FGF9: variants seen among roughly 807,000 people sequenced by gnomAD.
The protein encoded by FGF9 is fibroblast growth factor 9, also known as fibroblast growth factor 9 (glia-activating factor).
A neutral mutation model predicts 19.9 loss-of-function variants in FGF9; 3 were observed. That is an observed-to-expected ratio of 0.15 (90% confidence interval 0.07 to 0.39). The LOEUF (loss-of-function observed/expected upper bound fraction) is 0.39, where lower values mean the gene tolerates loss of function less well. Among genes scored for constraint, FGF9 ranks in the 10% least tolerant of loss-of-function variants. FGF9 has a pLI of 1.00. For missense variants in FGF9, 175 were observed against 256.8 expected (o/e 0.68, Z 2.18); for synonymous variants, 107 against 106.9 (o/e 1.00, Z -0.01).
chr13:21,679,782 C>CAA lies in FGF9; in HGVS notation c.278-1240_278-1239dup, dbSNP rs760146847. Among the ~76,000 whole-genome samples, 507 of 52,414 alleles carry CAA rather than the reference C, an allele frequency of 9.7e-3. 2 individuals carry two copies. Among genetic ancestry groups the CAA allele is most frequent in the Non-Finnish European group, 0.018 (421 of 23,600 alleles). 34.4% of individuals were successfully genotyped at this position (52,414 alleles called of 152,430 possible). ...TGAAACCCCGTCTCTACTAAAAATA[C>CAA]AAAAAAAAAAAAAAAAAAAAATTTA... On this transcript the variant is annotated intron_variant, in intron 1 of 2. Transcript: ENST00000382353.
At chr13:21,701,153 A>G in intron 2 of FGF9, 37 bp from the exon 3 acceptor site, 1 of 1,587,472 alleles carries the variant, frequency 6.3e-7, no homozygotes, top group Non-Finnish European at 8.6e-7. Flanking sequence ...TGCATTAGCT[A>G]TTTTTCCTAA....
chr13:21,691,346 G>T lies in FGF9; in HGVS notation c.382-9844G>T, dbSNP rs1232909171. On this transcript the variant is annotated intron_variant, in intron 2 of 2. Coordinates refer to ENST00000382353, the MANE Select transcript of FGF9 (RefSeq NM_002010.3). The surrounding 1 kb of genome is among the most constrained non-coding windows in gnomAD (Gnocchi z 4.2). ...GGAGGGAGCTTAATTCTAGGAGTAG[G>T]AGAGAATGTCAGGATTATTCACAGA... Among the ~76,000 whole-genome samples, 1 of 152,230 alleles carries T rather than the reference G, an allele frequency of 6.6e-6. No individual in the cohort carries two copies. The highest frequency in any genetic ancestry group is 6.5e-5 in the Admixed American group (1 of 15,286).
rs1214988654 is a variant in FGF9 at position 21,690,390 on chromosome 13, TAC to T, written c.381+9252_381+9253del. On this transcript the variant is annotated intron_variant, in intron 2 of 2. Coordinates refer to ENST00000382353, the MANE Select transcript of FGF9 (RefSeq NM_002010.3). The stretch of plus-strand genomic sequence containing the variant: ...ATTCACAGACATACCCACGTGCTTA[TAC>T]ACACACTCACTTGCTCACACCCACT... 5.9e-5 allele frequency among the ~76,000 whole-genome samples: 9 copies of T among 152,146 alleles called. No individual in the cohort carries two copies. In the East Asian group the frequency reaches 1.2e-3, roughly 20 times the overall value.
chr13:21,680,083 C>T (rs1043871019), intron 1 of FGF9, among the ~76,000 whole-genome samples: 4 of 151,978 alleles, frequency 2.6e-5, no homozygotes, highest in African/African-American at 7.3e-5. Context: ...GGATTTATGC[C>T]CAGCTTAGGT....
chr13:21,673,172 G>T (rs1419852901), intron 1 of FGF9, among the ~76,000 whole-genome samples: 1 of 151,862 alleles, frequency 6.6e-6, no homozygotes, highest in Non-Finnish European at 1.5e-5. Flanking sequence ...AAAAATAAGC[G>T]CCAGTTTGGG....
intron 1 of FGF9, among the ~76,000 whole-genome samples, chr13:21,673,124 T>G (rs1313834160): frequency 6.6e-6 from 1 of 151,826 alleles, no homozygotes; most frequent in Non-Finnish European, 1.5e-5. Flanking sequence ...CAGTCCCAAT[T>G]GGGTGGACTC....
intron 2 of FGF9, among the ~76,000 whole-genome samples, chr13:21,682,168 G>A (rs1452877429): frequency 6.6e-6 from 1 of 151,740 alleles, no homozygotes; most frequent in African/African-American, 2.4e-5. Flanking sequence ...ATCACCACAC[G>A]TAGTTAACGA....
At chr13:21,677,718 G>A (rs1378723481) in intron 1 of FGF9, among the ~76,000 whole-genome samples, 7 of 152,164 alleles carry the variant, frequency 4.6e-5, no homozygotes, top group Admixed American at 4.6e-4. Flanking sequence ...TGGTCTGCTT[G>A]TCCTTGCATC....
intron 2 of FGF9, among the ~76,000 whole-genome samples, chr13:21,684,868 C>G (rs1872124274): frequency 6.6e-6 from 1 of 152,142 alleles, no homozygotes; most frequent in Non-Finnish European, 1.5e-5. Context: ...ACCTTTTTGT[C>G]TCTTTTGTAA....
intron 2 of FGF9, among the ~76,000 whole-genome samples, chr13:21,686,764 C>T (rs1872168340): frequency 6.6e-6 from 1 of 152,224 alleles, no homozygotes; most frequent in African/African-American, 2.4e-5. Flanking sequence ...TTCACTCCGT[C>T]ATGAACACGC....
Position 21,700,015 on chromosome 13 carries a change from GGTGTGT to G in FGF9, c.382-1146_382-1141del, listed in dbSNP as rs3076108. Among the ~76,000 whole-genome samples the G allele has an allele frequency of 7.4e-3, 1,081 of 146,094 alleles. 4 individuals carry two copies. Among genetic ancestry groups the G allele is most frequent in the Non-Finnish European group, 0.012 (770 of 66,328 alleles). On this transcript the variant is annotated intron_variant, in intron 2 of 2. Transcript: ENST00000382353. ...GGGCGTGTTCACAGCTTTGGGATGT[GGTGTGT>G]GTGTGTGTGTGTGTGTGTGTGTGTG...
chr13:21,686,600 A>G (rs1214823405), intron 2 of FGF9, among the ~76,000 whole-genome samples: 1 of 152,164 alleles, frequency 6.6e-6, no homozygotes, highest in African/African-American at 2.4e-5. Flanking sequence ...CACTTACATT[A>G]TTTTGCCCAG....
intron 1 of FGF9, among the ~76,000 whole-genome samples, chr13:21,675,303 G>A (rs952933104): frequency 3.3e-5 from 5 of 152,088 alleles, no homozygotes; most frequent in Non-Finnish European, 5.9e-5. Flanking sequence ...GCGGGCCCCC[G>A]GGGTGACAGC....
chr13:21,695,113 T>TGTGTGTGA (rs1183952730), intron 2 of FGF9, among the ~76,000 whole-genome samples: 1 of 150,966 alleles, frequency 6.6e-6, no homozygotes, highest in African/African-American at 2.5e-5. Flanking sequence ...TGTGTGTGTG[T>TGTGTGTGA]GTGAGAGAGA....
At chr13:21,676,581 G>A (rs1017996382) in intron 1 of FGF9, among the ~76,000 whole-genome samples, 4 of 152,172 alleles carry the variant, frequency 2.6e-5, no homozygotes, top group African/African-American at 7.2e-5. Flanking sequence ...AACTTACCCC[G>A]GTGCAGGATC....
At chr13:21,681,424 C>T (rs1472595860) in intron 2 of FGF9, among the ~76,000 whole-genome samples, 1 of 152,144 alleles carries the variant, frequency 6.6e-6, no homozygotes, top group Non-Finnish European at 1.5e-5. Context: ...AATCCCATCT[C>T]TTTGTATTGA....
In FGF9 at chr13:21,703,362, A is replaced by G. The variant is rs1872589413; in HGVS notation, c.*1927A>G. ...GCCTTTCTGTGGTCCAAGTTGGAGT[A>G]CATGGCAATGCCCTCCTGCTGATGT... On this transcript the variant is annotated 3_prime_UTR_variant, in exon 3 of 3. Transcript: ENST00000382353. 6.6e-6 allele frequency: 1 copy of G among 152,226 alleles called. No individual in the cohort carries two copies. Among genetic ancestry groups the G allele is most frequent in the African/African-American group, 2.4e-5 (1 of 41,474 alleles). 9.4% of individuals were successfully genotyped at this position (152,226 alleles called of 1,614,324 possible). A position where few individuals can be genotyped will look rare whatever the true frequency, so the allele number is the denominator to read the frequency against.
chr13:21,695,347 C>T (rs182527441), intron 2 of FGF9, among the ~76,000 whole-genome samples: 25 of 152,210 alleles, frequency 1.6e-4, no homozygotes, highest in Non-Finnish European at 1.5e-5. Context: ...ACAACTGATT[C>T]AATTGTTCCC....
At chr13:21,682,815 G>A (rs1872073145) in intron 2 of FGF9, among the ~76,000 whole-genome samples, 1 of 149,818 alleles carries the variant, frequency 6.7e-6, no homozygotes, top group African/African-American at 2.5e-5. Context: ...GTGTGTAGAT[G>A]GAACTTTATC....
Sources: gnomAD v4.1 joint callset for allele counts (sites outside exome capture counted in the v4.1 genomes callset) on GRCh38, gnomAD v4.1.1 for gene constraint, Gnocchi (gnomAD v3.1) non-coding constraint, MANE v1.5 for transcripts, NCBI Gene and HGNC (gene_info 2026-07-23, HGNC 2026-07-21) for gene names.